Variants in NCKAP1 observed in about 807,000 individuals in gnomAD.
NCKAP1 encodes NCK associated protein 1.
Under a neutral mutation model 151.2 loss-of-function variants are expected in NCKAP1, and 21 were observed. The observed-to-expected ratio is 0.14, with a 90% CI of 0.10 to 0.20. NCKAP1 has a LOEUF of 0.20. NCKAP1 is among the 10% of genes least tolerant of loss of function. The pLI is 1.00. For synonymous variants in NCKAP1, 484 were observed against 451.8 expected, an observed-to-expected ratio of 1.07 and a Z score of -0.90; for missense variants, 933 against 1,352.1, an observed-to-expected ratio of 0.69 and a Z score of 4.86.
At chr2:182,937,835 G>C (rs1027707700) in intron 24 of NCKAP1, among the ~76,000 whole-genome samples, 3 of 152,210 alleles carry the variant, frequency 2.0e-5, no homozygotes, top group Non-Finnish European at 2.9e-5. Context: ...TCAATGGATA[G>C]ATGGTGAGAG....
At position 183,008,997 on chromosome 2, in the gene NCKAP1, T is replaced by C. The variant is rs980941388; in HGVS notation, c.220-5672A>G. ...AAAATCTTTTGTAGTGTATTTCTTT[T>C]TTCATATACAAAGTGATTATACTGG... On this transcript the variant is annotated intron_variant, in intron 2 of 30. Coordinates refer to ENST00000361354, the MANE Select transcript of NCKAP1 (RefSeq NM_013436.5). 1.3e-5 allele frequency among the ~76,000 whole-genome samples: 2 copies of C among 152,178 alleles called. 1 individual carries two copies. Among genetic ancestry groups the C allele is most frequent in the African/African-American group, 4.8e-5 (2 of 41,448 alleles).
At position 182,919,104 on chromosome 2, in the gene NCKAP1, C is replaced by T. The variant is rs1696510212; in HGVS notation, c.*6598G>A. On this transcript the variant is annotated 3_prime_UTR_variant, in exon 31 of 31. Coordinates refer to ENST00000361354, the MANE Select transcript of NCKAP1 (RefSeq NM_013436.5). Reference sequence around the variant, plus strand: ...ATTTAGAGGTTTGAATTAGAGAAAACAGAGTATCTGGTACACAATGGGCTT... The same window carrying T: ...ATTTAGAGGTTTGAATTAGAGAAAATAGAGTATCTGGTACACAATGGGCTT... 1 of 152,172 alleles carries T rather than the reference C, an allele frequency of 6.6e-6. No homozygotes were observed. Among genetic ancestry groups the T allele is most frequent in the Non-Finnish European group, 1.5e-5 (1 of 68,028 alleles). The allele number at this position is 152,172 out of a possible 1,614,324, so 9.4% of individuals were successfully genotyped here. A position where few individuals can be genotyped will look rare whatever the true frequency, so the allele number is the denominator to read the frequency against.
At chr2:183,019,498 T>C (rs1465594790) in intron 2 of NCKAP1, among the ~76,000 whole-genome samples, 2 of 152,182 alleles carry the variant, frequency 1.3e-5, no homozygotes, top group Non-Finnish European at 2.9e-5. Flanking sequence ...ATTTTCTTCA[T>C]CCAGGAAAAT....
chr2:182,986,053 A>G (rs1416149081), intron 10 of NCKAP1, 118 bp downstream of exon 10: 37 of 857,348 alleles, frequency 4.3e-5, no homozygotes, highest in Non-Finnish European at 6.7e-5. Context: ...ATTGACTGAA[A>G]GTCCCCCTCT....
intron 23 of NCKAP1, among the ~76,000 whole-genome samples, chr2:182,944,286 T>C (rs1461432957): frequency 6.6e-6 from 1 of 152,100 alleles, no homozygotes; most frequent in Non-Finnish European, 1.5e-5. Context: ...AAGATTTTTT[T>C]TAAAAAAAAG....
At chr2:183,014,864 T>G (rs1459175408) in intron 2 of NCKAP1, among the ~76,000 whole-genome samples, 3 of 152,194 alleles carry the variant, frequency 2.0e-5, no homozygotes, top group African/African-American at 7.2e-5. Context: ...CAATAGGTGA[T>G]TAGGTAGTGA....
intron 26 of NCKAP1, among the ~76,000 whole-genome samples, chr2:182,934,179 C>T (rs1311733980): frequency 6.6e-6 from 1 of 151,894 alleles, no homozygotes; most frequent in Non-Finnish European, 1.5e-5. Context: ...ATTCTGTTGC[C>T]CAGGCTAGAG....
intron 10 of NCKAP1, among the ~76,000 whole-genome samples, chr2:182,983,775 G>A (rs1697989120): frequency 6.6e-6 from 1 of 152,178 alleles, no homozygotes; most frequent in African/African-American, 2.4e-5. Flanking sequence ...GCCCATGCCT[G>A]TAATCCCAGC....
chr2:183,020,705 AC>A (rs1359255279), intron 2 of NCKAP1, among the ~76,000 whole-genome samples: 4 of 152,158 alleles, frequency 2.6e-5, no homozygotes, highest in African/African-American at 9.6e-5. Context: ...TGATATCAAT[AC>A]CACTTCTACA....
intron 24 of NCKAP1, among the ~76,000 whole-genome samples, chr2:182,938,886 G>A (rs1322375626): frequency 1.1e-4 from 16 of 152,182 alleles, no homozygotes. Flanking sequence ...GAGTTCAATA[G>A]GTGTAAAGGA....
chr2:183,012,469 G>A (rs893075013), intron 2 of NCKAP1, among the ~76,000 whole-genome samples: 7 of 152,104 alleles, frequency 4.6e-5, no homozygotes, highest in African/African-American at 1.7e-4. Context: ...TGTTGTTCTT[G>A]GGAGATTTGG....
chr2:182,999,719 C>G (rs1698342005), intron 6 of NCKAP1, among the ~76,000 whole-genome samples: 1 of 152,154 alleles, frequency 6.6e-6, no homozygotes, highest in Non-Finnish European at 1.5e-5. Flanking sequence ...CACTGCAGCT[C>G]TATTCACAAT....
At chr2:183,003,081 T>C (rs752741107) in intron 3 of NCKAP1, 51 bp from the exon 4 acceptor site, 3 of 1,499,668 alleles carry the variant, frequency 2.0e-6, no homozygotes, top group African/African-American at 2.8e-5. Flanking sequence ...TCTGTTTAAA[T>C]TCAGAAAACA....
rs1696400069 is a variant in NCKAP1 at position 182,911,767 on chromosome 2, G to A, written c.*13935C>T. 1.3e-5 allele frequency: 2 copies of A among 151,976 alleles called. No individual in the cohort carries two copies. Among genetic ancestry groups the A allele is most frequent in the Middle Eastern group, 3.4e-3 (1 of 294 alleles). The allele number at this position is 151,976 out of a possible 1,614,324, so 9.4% of individuals were successfully genotyped here. A position where few individuals can be genotyped will look rare whatever the true frequency, so the allele number is the denominator to read the frequency against. ...AAAAAAAAACAAAACAAACAGAACC[G>A]CTTTTGGAGAAACTTGCCCTTATAT... On this transcript the variant is annotated 3_prime_UTR_variant, in exon 31 of 31. Transcript: ENST00000361354.
intron 1 of NCKAP1, among the ~76,000 whole-genome samples, chr2:183,036,647 A>C (rs1699107145): frequency 6.6e-6 from 1 of 152,166 alleles, no homozygotes; most frequent in Admixed American, 6.5e-5. Context: ...TACTCTCCAG[A>C]TAGCACTGGG....
At chr2:183,007,016 C>A (rs1306141448) in intron 2 of NCKAP1, among the ~76,000 whole-genome samples, 1 of 152,118 alleles carries the variant, frequency 6.6e-6, no homozygotes, top group Non-Finnish European at 1.5e-5. Context: ...GGACTACAGG[C>A]AGGCACCATA....
chr2:183,033,637 A>C (rs896017993), intron 1 of NCKAP1, among the ~76,000 whole-genome samples: 1 of 152,248 alleles, frequency 6.6e-6, no homozygotes, highest in African/African-American at 2.4e-5. Flanking sequence ...TCAATATTTG[A>C]GAGTAACTGA....
chr2:183,034,119 A>G (rs1699056773), intron 1 of NCKAP1, among the ~76,000 whole-genome samples: 3 of 152,072 alleles, frequency 2.0e-5, no homozygotes, highest in African/African-American at 7.2e-5. Flanking sequence ...GAAGACTAAA[A>G]CCAGTTCCCC....
Position 182,953,567 on chromosome 2 carries a change from G to A in NCKAP1, c.2154-236C>T, listed in dbSNP as rs118061950. Among the ~76,000 whole-genome samples the A allele has an allele frequency of 7.1e-4, 108 of 152,320 alleles. 1 individual carries two copies. The East Asian group carries it at 0.017, about 24-fold the overall frequency. ...TGTAATCCCAGCATTTTGGGAGGACGAGGCGGGCAGATGACTTGAAGTCAG... is the reference window on the plus strand; with the variant it reads ...TGTAATCCCAGCATTTTGGGAGGACAAGGCGGGCAGATGACTTGAAGTCAG... On this transcript the variant is annotated intron_variant, in intron 20 of 30. Transcript: ENST00000361354.
Sources: gnomAD v4.1 joint callset for allele counts (sites outside exome capture counted in the v4.1 genomes callset) on GRCh38, gnomAD v4.1.1 for gene constraint, MANE v1.5 for transcripts, NCBI Gene and HGNC (gene_info 2026-07-23, HGNC 2026-07-21) for gene names.